GNA14: variants seen among roughly 807,000 people sequenced by gnomAD.
GNA14 encodes guanine nucleotide-binding protein subunit alpha-14.
A neutral mutation model predicts 42.0 loss-of-function variants in GNA14; 50 were observed. That is an observed-to-expected ratio of 1.19 (90% CI 0.95 to 1.51). The LOEUF (loss-of-function observed/expected upper bound fraction) is 1.51, where lower values mean the gene tolerates loss of function less well. Ranked by LOEUF, GNA14 falls within the 40% of genes most tolerant of loss-of-function variation. The pLI, the probability that GNA14 is intolerant of heterozygous loss-of-function variation, is 0.00. For missense variants in GNA14, 473 were observed against 446.2 expected, an observed-to-expected ratio of 1.06 and a Z score of -0.54; for synonymous variants, 173 against 163.1, an observed-to-expected ratio of 1.06 and a Z score of -0.46.
intron 2 of GNA14, among the ~76,000 whole-genome samples, chr9:77,493,425 A>G (rs1302274453): frequency 6.6e-6 from 1 of 152,206 alleles, no homozygotes; most frequent in East Asian, 1.9e-4. Context: ...TACTCTGATC[A>G]TAAAGTACCA....
intron 1 of GNA14, among the ~76,000 whole-genome samples, chr9:77,594,837 G>A (rs1316349845): frequency 6.6e-6 from 1 of 152,182 alleles, no homozygotes; most frequent in African/African-American, 2.4e-5. Flanking sequence ...TGGGAGAGCA[G>A]CCCACATTGA....
intron 5 of GNA14, among the ~76,000 whole-genome samples, chr9:77,426,584 A>C (rs917536993): frequency 6.6e-6 from 1 of 152,194 alleles, no homozygotes; most frequent in Admixed American, 6.6e-5. Context: ...GATTACAGGC[A>C]TGAGCCACCG....
intron 1 of GNA14, among the ~76,000 whole-genome samples, chr9:77,537,502 T>C (rs1372180489): frequency 6.6e-6 from 1 of 152,256 alleles, no homozygotes; most frequent in African/African-American, 2.4e-5. Flanking sequence ...CTTAGGTTGA[T>C]TCCTTATCTT....
intron 2 of GNA14, among the ~76,000 whole-genome samples, chr9:77,504,171 C>T (rs929939642): frequency 3.9e-5 from 6 of 152,188 alleles, no homozygotes; most frequent in Non-Finnish European, 8.8e-5. Context: ...TAACTGCCAT[C>T]ATAGCCAACT....
rs186014762 is a variant in GNA14, at chr9:77,494,530, G to A, written c.309+34539C>T. The stretch of plus-strand genomic sequence containing the variant: ...AGCATGTTAGTGTATTAAGGGTACT[G>A]AAGTGTCCTGAGAAAAAAGACCAGT... On this transcript the variant is annotated intron_variant, in intron 2 of 6. Transcript: ENST00000341700. Among the ~76,000 whole-genome samples the A allele has an allele frequency of 3.1e-3, 477 of 152,228 alleles. 2 individuals are homozygous for A. Among genetic ancestry groups the A allele is most frequent in the African/African-American group, 0.011 (451 of 41,538 alleles).
chr9:77,608,131 G>A lies in GNA14; in HGVS notation c.124+39539C>T, dbSNP rs149520834. ...GCTGCTACCTTAATGGGGACAGAAGGCAGAGTACTGAACCAAAGAAGATTA... is the reference window on the plus strand; with the variant it reads ...GCTGCTACCTTAATGGGGACAGAAGACAGAGTACTGAACCAAAGAAGATTA... On this transcript the variant is annotated intron_variant, in intron 1 of 6. Transcript: ENST00000341700. Among the ~76,000 whole-genome samples the A allele has an allele frequency of 3.9e-3, 592 of 152,282 alleles. 8 individuals are homozygous for A. The highest frequency in any genetic ancestry group is 0.014 in the African/African-American group (575 of 41,560).
At chr9:77,473,187 T>C (rs934114531) in intron 2 of GNA14, among the ~76,000 whole-genome samples, 4 of 152,204 alleles carry the variant, frequency 2.6e-5, no homozygotes, top group South Asian at 2.1e-4. Context: ...ATGAGCACAA[T>C]TGCTCATGCC....
chr9:77,452,577 CATGTGT>C (rs1175784937), intron 2 of GNA14, among the ~76,000 whole-genome samples: 1 of 3,170 alleles, frequency 3.2e-4, no homozygotes, highest in African/African-American at 1.2e-3. Context: ...TGTGTATGTG[CATGTGT>C]ATGTGTGTGT....
intron 1 of GNA14, among the ~76,000 whole-genome samples, chr9:77,644,167 T>TA (rs1440698914): frequency 6.6e-6 from 1 of 151,936 alleles, no homozygotes; most frequent in Non-Finnish European, 1.5e-5. Context: ...CTGGTATCCT[T>TA]ATAAGAAGAG....
chr9:77,594,123 G>T (rs1453589533), intron 1 of GNA14, among the ~76,000 whole-genome samples: 1 of 152,232 alleles, frequency 6.6e-6, no homozygotes, highest in African/African-American at 2.4e-5. Flanking sequence ...TCGTGGCACA[G>T]AGTGAATAAA....
At chr9:77,552,871 C>T (rs1004322162) in intron 1 of GNA14, among the ~76,000 whole-genome samples, 1 of 152,154 alleles carries the variant, frequency 6.6e-6, no homozygotes, top group Non-Finnish European at 1.5e-5. Flanking sequence ...TTCCATCCAG[C>T]GTTAAGCAGC....
intron 2 of GNA14, among the ~76,000 whole-genome samples, chr9:77,482,623 TCTC>T (rs1271464984): frequency 6.6e-6 from 1 of 152,210 alleles, no homozygotes; most frequent in Non-Finnish European, 1.5e-5. Context: ...TTGGGGAAGT[TCTC>T]CTGGATAATA....
chr9:77,648,014 G>A lies in GNA14; in HGVS notation c.-221C>T, dbSNP rs1178896343. On this transcript the variant is annotated 5_prime_UTR_variant, in exon 1 of 7. Transcript: ENST00000341700. ...TGAATGCCGAGCGCTGGGAACGCTCGAGTGCACCCCGGATCCGGGCTCAGC... is the reference window on the plus strand; with the variant it reads ...TGAATGCCGAGCGCTGGGAACGCTCAAGTGCACCCCGGATCCGGGCTCAGC... 6 of 556,164 alleles carry A rather than the reference G, an allele frequency of 1.1e-5. No homozygotes were observed. Among genetic ancestry groups the A allele is most frequent in the Non-Finnish European group, 1.9e-5 (6 of 321,514 alleles). The allele number at this position is 556,164 out of a possible 1,614,324, so 34.5% of individuals were successfully genotyped here. A position where few individuals can be genotyped will look rare whatever the true frequency, so the allele number is the denominator to read the frequency against.
chr9:77,626,442 C>T (rs183269744), intron 1 of GNA14, among the ~76,000 whole-genome samples: 3 of 152,280 alleles, frequency 2.0e-5, no homozygotes, highest in East Asian at 1.9e-4. Context: ...ACATTCTTCT[C>T]GGCACCACAT....
chr9:77,622,777 C>T (rs550198483), intron 1 of GNA14, among the ~76,000 whole-genome samples: 1 of 149,616 alleles, frequency 6.7e-6, no homozygotes, highest in East Asian at 2.0e-4. Context: ...GCCTGTAGTC[C>T]CAAATGCTTG....
At chr9:77,645,287 G>A (rs765638908) in intron 1 of GNA14, among the ~76,000 whole-genome samples, 1 of 152,294 alleles carries the variant, frequency 6.6e-6, no homozygotes, top group Non-Finnish European at 1.5e-5. Flanking sequence ...TAGAGAGATG[G>A]GTGAATTTTT....
intron 2 of GNA14, among the ~76,000 whole-genome samples, chr9:77,457,683 G>C (rs917392620): frequency 5.9e-5 from 9 of 152,090 alleles, no homozygotes; most frequent in Middle Eastern, 3.2e-3. Flanking sequence ...TACTTCATAA[G>C]CACCTTCATC....
At chr9:77,634,934 G>C (rs1824157107) in intron 1 of GNA14, among the ~76,000 whole-genome samples, 1 of 152,188 alleles carries the variant, frequency 6.6e-6, no homozygotes, top group African/African-American at 2.4e-5. Flanking sequence ...AAATTGCCAG[G>C]ATGTAGTCAA....
chr9:77,592,076 G>A (rs1186340133), intron 1 of GNA14, among the ~76,000 whole-genome samples: 4 of 151,934 alleles, frequency 2.6e-5, no homozygotes, highest in Admixed American at 6.6e-5. Flanking sequence ...CACCATGCTC[G>A]GCTAATTTTT....
Sources: allele counts gnomAD v4.1 joint callset (sites outside exome capture counted in the v4.1 genomes callset), GRCh38; gene constraint gnomAD v4.1.1; transcripts MANE v1.5; gene names NCBI Gene and HGNC (gene_info 2026-07-23, HGNC 2026-07-21).